Variants in ATXN1 observed in about 807,000 individuals in gnomAD.
ATXN1 encodes the protein ataxin 1.
Under a neutral mutation model 56.4 loss-of-function variants are expected in ATXN1, and 8 were observed. That is an observed-to-expected ratio of 0.14 (90% CI 0.08 to 0.26). The LOEUF is 0.26. ATXN1 is among the 10% of genes least tolerant of loss of function. ATXN1 has a pLI of 1.00. For missense variants in ATXN1, 987 were observed against 1,106.5 expected (o/e 0.89, Z 1.53); for synonymous variants, 514 against 494.6 (o/e 1.04, Z -0.52).
At position 16,730,487 on chromosome 6, in the gene ATXN1, G is replaced by GTGTA. The variant is rs141836403; in HGVS notation, c.-615+22745_-615+22746insTACA. Among the ~76,000 whole-genome samples, 136 of 132,000 alleles carry GTGTA rather than the reference G, an allele frequency of 1.0e-3. 5 individuals carry two copies. Among genetic ancestry groups the GTGTA allele is most frequent in the African/African-American group, 2.7e-3 (101 of 37,260 alleles). The allele number at this position is 132,000 out of a possible 152,430, so 86.6% of individuals were successfully genotyped here. ...CTGGAGTTAAAGGGTAAAACAGTAT[G>GTGTA]TATATATATATATATATATAAATGT... On this transcript the variant is annotated intron_variant, in intron 2 of 7. Transcript: ENST00000436367.
chr6:16,599,846 T>TC (rs1354224994), intron 3 of ATXN1, among the ~76,000 whole-genome samples: 1 of 152,204 alleles, frequency 6.6e-6, no homozygotes, highest in Non-Finnish European at 1.5e-5. Context: ...GCCCTTCTGT[T>TC]CCTTCTGTTC....
At chr6:16,488,632 T>G (rs928289751) in intron 5 of ATXN1, among the ~76,000 whole-genome samples, 1 of 152,240 alleles carries the variant, frequency 6.6e-6, no homozygotes, top group Non-Finnish European at 1.5e-5. Flanking sequence ...GTTTGCTTTC[T>G]TCATCCTACA....
chr6:16,546,045 C>T (rs143099582), intron 4 of ATXN1, among the ~76,000 whole-genome samples: 2 of 152,274 alleles, frequency 1.3e-5, no homozygotes, highest in African/African-American at 2.4e-5. Flanking sequence ...TTCTTTCCTT[C>T]AGAGTAGTGA....
intron 6 of ATXN1, among the ~76,000 whole-genome samples, chr6:16,414,927 A>T (rs1758871741): frequency 6.6e-6 from 1 of 152,216 alleles, no homozygotes; most frequent in Admixed American, 6.5e-5. Context: ...AGCACAATGG[A>T]CTAAAAGTTG....
intron 4 of ATXN1, among the ~76,000 whole-genome samples, chr6:16,534,703 T>G (rs1336255588): frequency 6.6e-6 from 1 of 152,104 alleles, no homozygotes; most frequent in Admixed American, 6.5e-5. Context: ...CTACCTAAAA[T>G]AAACCCAAGA....
At chr6:16,682,319 C>T (rs4716088) in intron 2 of ATXN1, among the ~76,000 whole-genome samples, 48,647 of 151,012 alleles carry the variant, frequency 0.32, 7,911 homozygotes, top group Non-Finnish European at 0.35. Flanking sequence ...GCCTCAGCCT[C>T]CCAAGTAGCT....
At chr6:16,359,161 GC>G (rs1761755107) in intron 6 of ATXN1, among the ~76,000 whole-genome samples, 1 of 152,216 alleles carries the variant, frequency 6.6e-6, no homozygotes, top group South Asian at 2.1e-4. Flanking sequence ...GCCATGAATG[GC>G]AGCAGGAGGA....
intron 4 of ATXN1, among the ~76,000 whole-genome samples, chr6:16,545,070 T>C (rs1422332570): frequency 6.6e-6 from 1 of 152,158 alleles, no homozygotes; most frequent in Non-Finnish European, 1.5e-5. Flanking sequence ...GCATGGCAAA[T>C]ACGCATTCCA....
At chr6:16,650,567 T>C (rs1763874961) in intron 3 of ATXN1, among the ~76,000 whole-genome samples, 1 of 152,232 alleles carries the variant, frequency 6.6e-6, no homozygotes, top group Admixed American at 6.5e-5. Flanking sequence ...AATATGAATT[T>C]TATACTTAAC....
intron 6 of ATXN1, among the ~76,000 whole-genome samples, chr6:16,366,992 G>A (rs1367842088): frequency 6.6e-6 from 1 of 151,698 alleles, no homozygotes; most frequent in Admixed American, 6.6e-5. Flanking sequence ...CATGCATAGA[G>A]CCCAAACTGG....
chr6:16,730,932 T>G (rs969298340), intron 2 of ATXN1, among the ~76,000 whole-genome samples: 1 of 152,166 alleles, frequency 6.6e-6, no homozygotes, highest in Admixed American at 6.5e-5. Flanking sequence ...TTGATTGGTG[T>G]TTTCAAAATT....
At chr6:16,649,017 T>A (rs1763849165) in intron 3 of ATXN1, among the ~76,000 whole-genome samples, 1 of 151,926 alleles carries the variant, frequency 6.6e-6, no homozygotes, top group African/African-American at 2.4e-5. Context: ...TTCCCCGATA[T>A]CAAAATATTA....
At chr6:16,617,624 G>A (rs781636306) in intron 3 of ATXN1, among the ~76,000 whole-genome samples, 55 of 151,884 alleles carry the variant, frequency 3.6e-4, no homozygotes, top group African/African-American at 1.0e-3. Context: ...AAAATTAGCC[G>A]GGCGTGGTGG....
rs537054490 is a variant in ATXN1 at position 16,760,469 on chromosome 6, T to TGGC, written c.-730+826_-730+828dup. ...AGCGGCCGCACCAACAGGGCGGCGG[T>TGGC]GGCGGCGGCGGCCAGGGCCGTCACC... On this transcript the variant is annotated intron_variant, in intron 1 of 7. Coordinates refer to ENST00000436367, the MANE Select transcript of ATXN1 (RefSeq NM_001128164.2). This position sits in a 1 kb window ranked among gnomAD's most constrained non-coding sequence, Gnocchi z 5.3. Among the ~76,000 whole-genome samples the TGGC allele has an allele frequency of 1.3e-5, 2 of 149,316 alleles. No individual in the cohort carries two copies. The highest frequency in any genetic ancestry group is 3.0e-5 in the Non-Finnish European group (2 of 67,116).
At chr6:16,340,665 C>T (rs73364709) in intron 6 of ATXN1, among the ~76,000 whole-genome samples, 52 of 152,302 alleles carry the variant, frequency 3.4e-4, no homozygotes, top group African/African-American at 1.2e-3. Flanking sequence ...CTCTCTCTAA[C>T]GTTGTAGTTG....
At chr6:16,344,767 G>A (rs948131018) in intron 6 of ATXN1, among the ~76,000 whole-genome samples, 4 of 152,194 alleles carry the variant, frequency 2.6e-5, no homozygotes, top group African/African-American at 9.7e-5. Flanking sequence ...TTTTGATCAT[G>A]TGAGTCAATA....
chr6:16,321,121 C>T (rs1760640183), intron 7 of ATXN1, among the ~76,000 whole-genome samples: 1 of 152,198 alleles, frequency 6.6e-6, no homozygotes, highest in South Asian at 2.1e-4. Flanking sequence ...TATGTTCAGA[C>T]TCAGATCTCT....
At chr6:16,401,122 C>A (rs1440471598) in intron 6 of ATXN1, among the ~76,000 whole-genome samples, 4 of 152,178 alleles carry the variant, frequency 2.6e-5, no homozygotes, top group Admixed American at 1.3e-4. Context: ...CATTAATTTT[C>A]TAAAACTCAT....
intron 6 of ATXN1, among the ~76,000 whole-genome samples, chr6:16,359,775 C>T (rs1031442034): frequency 5.3e-5 from 8 of 152,152 alleles, no homozygotes; most frequent in Admixed American, 3.9e-4. Flanking sequence ...GCTTAAAAGG[C>T]GTTGCGGCCA....
Sources: allele counts gnomAD v4.1 joint callset (sites outside exome capture counted in the v4.1 genomes callset), GRCh38; gene constraint gnomAD v4.1.1; non-coding constraint Gnocchi (gnomAD v3.1); transcripts MANE v1.5; gene names NCBI Gene and HGNC (gene_info 2026-07-23, HGNC 2026-07-21).